SERPINC1: variants seen among roughly 807,000 people sequenced by gnomAD.
SERPINC1 encodes the protein antithrombin-III.
SERPINC1 carries 12 observed loss-of-function variants against 43.4 expected under a neutral mutation model. The ratio of observed to expected loss-of-function variants is 0.28; its 90% CI spans 0.18 to 0.45. SERPINC1 has a LOEUF of 0.45. Among genes scored for constraint, SERPINC1 ranks in the 20% least tolerant of loss-of-function variants. The probability of loss-of-function intolerance (pLI) is 1.00; values close to 1 mark genes in which losing one functional copy is unlikely to be tolerated. For synonymous variants in SERPINC1, 210 were observed against 218.9 expected (o/e 0.96, Z 0.36); for missense variants, 423 against 578.8 (o/e 0.73, Z 2.76).
intron 6 of SERPINC1, among the ~76,000 whole-genome samples, chr1:173,907,037 G>A (rs1215865094): frequency 6.6e-6 from 1 of 152,012 alleles, no homozygotes; most frequent in African/African-American, 2.4e-5. Flanking sequence ...AGAATCGCTT[G>A]AACGCGGGAG....
intron 6 of SERPINC1, among the ~76,000 whole-genome samples, chr1:173,906,704 A>C (rs530504523): frequency 1.3e-5 from 2 of 151,954 alleles, no homozygotes; most frequent in East Asian, 3.9e-4. Flanking sequence ...GCTGGTTGCA[A>C]ACTCCTGGGC....
intron 5 of SERPINC1, among the ~76,000 whole-genome samples, chr1:173,909,200 C>T (rs879015006): frequency 6.6e-6 from 1 of 151,950 alleles, no homozygotes; most frequent in South Asian, 2.1e-4. Context: ...TCAGTGAGGC[C>T]TGTGTAATGG....
intron 4 of SERPINC1, 140 bp from the exon 5 acceptor site, chr1:173,910,082 C>T: frequency 1.2e-6 from 1 of 855,282 alleles, no homozygotes; most frequent in Non-Finnish European, 1.9e-6. Context: ...AAAAGGTTAA[C>T]AATGGCTGTG....
intron 1 of SERPINC1, among the ~76,000 whole-genome samples, chr1:173,916,355 G>A (rs117858933): frequency 1.2e-4 from 19 of 152,192 alleles, no homozygotes; most frequent in Non-Finnish European, 2.2e-4. Context: ...GACGTGGTCC[G>A]TTGGGCAAGC....
chr1:173,908,490 CAAAAAAAAA>C (rs753240633), intron 5 of SERPINC1, among the ~76,000 whole-genome samples: 1 of 54,046 alleles, frequency 1.9e-5, no homozygotes, highest in African/African-American at 7.2e-5. Context: ...GACTTCGTCT[CAAAAAAAAA>C]AAAAAAAAAA....
intron 2 of SERPINC1, among the ~76,000 whole-genome samples, chr1:173,913,117 T>G (rs902550897): frequency 6.6e-6 from 1 of 152,174 alleles, no homozygotes; most frequent in African/African-American, 2.4e-5. Flanking sequence ...ACCCACAGAC[T>G]TTAGTGTCCA....
intron 6 of SERPINC1, among the ~76,000 whole-genome samples, chr1:173,905,983 GATCTAT>G (rs1417764608): frequency 6.6e-6 from 1 of 152,074 alleles, no homozygotes; most frequent in Non-Finnish European, 1.5e-5. Flanking sequence ...TTGATCCCTG[GATCTAT>G]ATTTACTTAG....
In SERPINC1 at chr1:173,914,724, ACG is replaced by A; in HGVS notation, c.235_236del (p.Arg79CysfsTer25). ...AATTGGCCTTGGACAGTTCCCAGAC[ACG>A]CCGGTTGGTGGCCTCCGGGATCTTC... ...EQKIPEATNR[R>X]VWELSKANSR... is the part of the protein sequence containing the mutation. On this transcript the variant is annotated frameshift_variant, in exon 2 of 7. Coordinates refer to ENST00000367698, the MANE Select transcript of SERPINC1 (RefSeq NM_000488.4). LOFTEE classifies it high-confidence loss of function. The A allele has an allele frequency of 6.2e-7, 1 of 1,614,242 alleles. No homozygotes were observed. Among genetic ancestry groups the A allele is most frequent in the Non-Finnish European group, 8.5e-7 (1 of 1,180,056 alleles).
intron 2 of SERPINC1, among the ~76,000 whole-genome samples, chr1:173,914,109 T>C (rs898267561): frequency 6.6e-6 from 1 of 152,136 alleles, no homozygotes; most frequent in Non-Finnish European, 1.5e-5. Flanking sequence ...TAGAATTTTT[T>C]TCCACGAGAG....
At chr1:173,915,583 A>T (rs1435424878) in intron 1 of SERPINC1, among the ~76,000 whole-genome samples, 2 of 152,204 alleles carry the variant, frequency 1.3e-5, no homozygotes, top group Non-Finnish European at 2.9e-5. Context: ...AGGCTGAGGC[A>T]GAAGAATCAC....
intron 1 of SERPINC1, chr1:173,915,218 T>C: frequency 7.8e-7 from 1 of 1,280,182 alleles, no homozygotes; most frequent in South Asian, 1.7e-5. Flanking sequence ...AGCTTCCTGT[T>C]TGTGACATGG....
intron 5 of SERPINC1, among the ~76,000 whole-genome samples, chr1:173,908,727 A>T (rs1190088492): frequency 6.6e-6 from 1 of 151,584 alleles, no homozygotes; most frequent in Non-Finnish European, 1.5e-5. Context: ...TGCCTGGCTA[A>T]TTTTTTTTAT....
chr1:173,909,959 A>G lies in SERPINC1; in HGVS notation c.763-17T>C, dbSNP rs2102783331. 1.2e-6 allele frequency: 2 copies of G among 1,613,548 alleles called. No individual in the cohort carries two copies. Among genetic ancestry groups the G allele is most frequent in the East Asian group, 2.2e-5 (1 of 44,882 alleles). On this transcript the variant is annotated splice_polypyrimidine_tract_variant and intron_variant, in intron 4 of 6. Coordinates refer to ENST00000367698, the MANE Select transcript of SERPINC1 (RefSeq NM_000488.4). ...CCACAGGCCCTGGAAGAGAATCACA[A>G]AGTAAGAACACAAACATTCATAGGA... is the stretch of plus-strand genomic sequence containing the variant.
intron 3 of SERPINC1, 139 bp downstream of exon 3, chr1:173,911,660 C>T (rs1337733869): frequency 1.4e-6 from 1 of 726,330 alleles, no homozygotes; most frequent in Non-Finnish European, 2.5e-6. Context: ...ATAACTATTG[C>T]AGGGGTTCTA....
At chr1:173,905,755 C>G (rs1657477189) in intron 6 of SERPINC1, among the ~76,000 whole-genome samples, 2 of 152,042 alleles carry the variant, frequency 1.3e-5, no homozygotes, top group Admixed American at 1.3e-4. Context: ...GAGACCCGTT[C>G]AACACCCTAG....
chr1:173,904,526 G>C (rs1208163330), intron 6 of SERPINC1, among the ~76,000 whole-genome samples: 1 of 152,144 alleles, frequency 6.6e-6, no homozygotes, highest in Non-Finnish European at 1.5e-5. Context: ...GAAAAGAGGT[G>C]GGTTCTCTGG....
intron 3 of SERPINC1, 138 bp from the exon 4 acceptor site, chr1:173,911,029 A>G: frequency 1.1e-6 from 1 of 893,086 alleles, no homozygotes; most frequent in Non-Finnish European, 1.9e-6. Context: ...CTCTAACCCA[A>G]ATTGGGGAAG....
intron 1 of SERPINC1, among the ~76,000 whole-genome samples, chr1:173,915,820 T>C (rs1395528660): frequency 6.6e-6 from 1 of 152,228 alleles, no homozygotes; most frequent in Non-Finnish European, 1.5e-5. Context: ...CAGGAACTCC[T>C]ACAAGTTCTT....
intron 5 of SERPINC1, among the ~76,000 whole-genome samples, chr1:173,908,490 C>CAAAAAA (rs753240633): frequency 1.9e-5 from 1 of 54,044 alleles, no homozygotes; most frequent in Non-Finnish European, 3.6e-5. Flanking sequence ...GACTTCGTCT[C>CAAAAAA]AAAAAAAAAA....
Sources: gnomAD v4.1 joint callset for allele counts (sites outside exome capture counted in the v4.1 genomes callset) on GRCh38, gnomAD v4.1.1 for gene constraint, MANE v1.5 for transcripts, NCBI Gene and HGNC (gene_info 2026-07-23, HGNC 2026-07-21) for gene names.